Variants in PPARGC1A observed in about 807,000 individuals in gnomAD.
PPARGC1A encodes PPARG coactivator 1 alpha.
Under a neutral mutation model 88.7 loss-of-function variants are expected in PPARGC1A, and 25 were observed. That is an observed-to-expected ratio of 0.28 (90% CI 0.21 to 0.39). The LOEUF (loss-of-function observed/expected upper bound fraction) is 0.39. Ranked by LOEUF, PPARGC1A falls within the 10% of genes least tolerant of loss-of-function variation. The pLI is 1.00. For synonymous variants in PPARGC1A, 363 were observed against 355.6 expected (o/e 1.02, Z -0.24); for missense variants, 880 against 968.7 (o/e 0.91, Z 1.22).
the PPARGC1A span, among the ~76,000 whole-genome samples, chr4:24,177,955 T>C: frequency 6.6e-6 from 1 of 152,208 alleles, no homozygotes; most frequent in African/African-American, 2.4e-5. Context: ...GGTTACCTTG[T>C]AAGGGAACTG....
the PPARGC1A span, among the ~76,000 whole-genome samples, chr4:23,991,502 C>A: frequency 6.6e-6 from 1 of 151,952 alleles, no homozygotes; most frequent in Non-Finnish European, 1.5e-5. Context: ...GGGGAGCTTT[C>A]CCTCTTGAAA....
the PPARGC1A span, among the ~76,000 whole-genome samples, chr4:24,247,458 G>T: frequency 3.9e-5 from 6 of 152,026 alleles, no homozygotes; most frequent in South Asian, 2.1e-4. Context: ...TTATCCCTTT[G>T]GTTTTCTATT....
chr4:24,227,553 A>T, the PPARGC1A span, among the ~76,000 whole-genome samples: 4 of 152,352 alleles, frequency 2.6e-5, no homozygotes, highest in African/African-American at 9.6e-5. Context: ...GTAAATAAAG[A>T]TGATAACTTT....
chr4:24,270,313 CTCTCTCTCTCTCTCTCTCTCTGTG>C, the PPARGC1A span, among the ~76,000 whole-genome samples: 1 of 4,162 alleles, frequency 2.4e-4, no homozygotes, highest in African/African-American at 7.9e-4. Flanking sequence ...CAACCTCTCT[CTCTCTCTCTCTCTCTCTCTCTGTG>C]TGTGTGTGTG....
At chr4:24,086,486 T>C in the PPARGC1A span, among the ~76,000 whole-genome samples, 1 of 152,212 alleles carries the variant, frequency 6.6e-6, no homozygotes, top group African/African-American at 2.4e-5. Flanking sequence ...CTTTTCTTCG[T>C]TTAAGAATTA....
upstream of PPARGC1A, among the ~76,000 whole-genome samples, chr4:23,907,729 C>A (rs755376738): frequency 6.6e-6 from 1 of 151,882 alleles, no homozygotes; most frequent in Admixed American, 6.6e-5. Context: ...CCCTTTTCTA[C>A]GTAGTTCGAG....
At chr4:24,059,609 G>A in the PPARGC1A span, among the ~76,000 whole-genome samples, 23 of 152,168 alleles carry the variant, frequency 1.5e-4, no homozygotes, top group African/African-American at 5.3e-4. Context: ...CCCACAGCCC[G>A]CATCTGAGCA....
At chr4:24,024,925 C>T in the PPARGC1A span, among the ~76,000 whole-genome samples, 1 of 152,186 alleles carries the variant, frequency 6.6e-6, no homozygotes, top group Admixed American at 6.5e-5. Context: ...ACAGCTCTGA[C>T]CCTGGCTTGA....
intron 2 of PPARGC1A, chr4:23,884,381 A>G (rs1716505198): frequency 3.7e-6 from 1 of 273,476 alleles, no homozygotes; most frequent in African/African-American, 2.2e-5. Flanking sequence ...TTATTTATTA[A>G]TTTATATGAG....
the PPARGC1A span, among the ~76,000 whole-genome samples, chr4:24,272,913 TATTC>T: frequency 1.3e-5 from 2 of 152,210 alleles, no homozygotes; most frequent in African/African-American, 4.8e-5. Flanking sequence ...CCAGGTACAG[TATTC>T]ATTATTAATT....
At chr4:24,236,587 C>A in the PPARGC1A span, among the ~76,000 whole-genome samples, 1 of 152,196 alleles carries the variant, frequency 6.6e-6, no homozygotes, top group Non-Finnish European at 1.5e-5. Context: ...CTGTACCCTG[C>A]ACTAAAGAAA....
At chr4:24,008,619 A>G in the PPARGC1A span, among the ~76,000 whole-genome samples, 1 of 152,182 alleles carries the variant, frequency 6.6e-6, no homozygotes, top group East Asian at 1.9e-4. Context: ...AACGTTAGCC[A>G]TAGAGTAACT....
chr4:24,047,302 C>T, the PPARGC1A span, among the ~76,000 whole-genome samples: 1 of 152,146 alleles, frequency 6.6e-6, no homozygotes, highest in Non-Finnish European at 1.5e-5. Flanking sequence ...ATTCTCATTG[C>T]CACTAGAAAT....
chr4:24,436,223 A>G, the PPARGC1A span, among the ~76,000 whole-genome samples: 5 of 152,280 alleles, frequency 3.3e-5, no homozygotes, highest in East Asian at 1.9e-4. Flanking sequence ...TAAGCAAGAT[A>G]GTATTTTAAT....
At chr4:23,872,024 A>G (rs1234255262) in intron 2 of PPARGC1A, among the ~76,000 whole-genome samples, 1 of 152,082 alleles carries the variant, frequency 6.6e-6, no homozygotes, top group Non-Finnish European at 1.5e-5. Context: ...GAATAGCATT[A>G]CCCCATGAAG....
chr4:24,150,477 T>C, the PPARGC1A span, among the ~76,000 whole-genome samples: 4 of 152,274 alleles, frequency 2.6e-5, no homozygotes, highest in South Asian at 8.3e-4. Flanking sequence ...TCAACATAGA[T>C]TAAACCTTCA....
rs541177707 is a variant in PPARGC1A, at chr4:23,852,550, A to G, written c.235-20799T>C. ...TGAGCACTGGAGTCACTCTCCTCTG[A>G]TTGTCGTTTTAAAAATCCACCCTCC... On this transcript the variant is annotated intron_variant, in intron 2 of 12. Coordinates refer to ENST00000264867, the MANE Select transcript of PPARGC1A (RefSeq NM_013261.5). Among the ~76,000 whole-genome samples, 75 of 152,050 alleles carry G rather than the reference A, an allele frequency of 4.9e-4. 1 individual carries two copies. Among genetic ancestry groups the G allele is most frequent in the African/African-American group, 1.7e-3 (70 of 41,462 alleles).
At chr4:24,111,935 T>G in the PPARGC1A span, among the ~76,000 whole-genome samples, 2 of 152,198 alleles carry the variant, frequency 1.3e-5, no homozygotes, top group African/African-American at 4.8e-5. Context: ...TACAACTAAC[T>G]GAAATGTCAA....
chr4:24,267,401 A>C, the PPARGC1A span, among the ~76,000 whole-genome samples: 1 of 152,230 alleles, frequency 6.6e-6, no homozygotes, highest in Non-Finnish European at 1.5e-5. Flanking sequence ...AGCACTCAGT[A>C]AATGTAGGTT....
Sources: allele counts gnomAD v4.1 joint callset (sites outside exome capture counted in the v4.1 genomes callset), GRCh38; gene constraint gnomAD v4.1.1; transcripts MANE v1.5; gene names NCBI Gene and HGNC (gene_info 2026-07-23, HGNC 2026-07-21).